AP1M1: variants seen among roughly 807,000 people sequenced by gnomAD.
AP1M1 encodes the protein AP-1 complex subunit mu-1.
Under a neutral mutation model 57.1 loss-of-function variants are expected in AP1M1, and 18 were observed. The ratio of observed to expected loss-of-function variants is 0.32; its 90% CI spans 0.22 to 0.47. AP1M1 has a LOEUF of 0.47. Ranked by LOEUF, AP1M1 falls within the 20% of genes least tolerant of loss-of-function variation. The probability of loss-of-function intolerance (pLI) is 1.00; values close to 1 mark genes in which losing one functional copy is unlikely to be tolerated. For synonymous variants in AP1M1, 241 were observed against 237.9 expected, an observed-to-expected ratio of 1.01 and a Z score of -0.12; for missense variants, 362 against 593.5, an observed-to-expected ratio of 0.61 and a Z score of 4.05.
intron 5 of AP1M1, among the ~76,000 whole-genome samples, chr19:16,216,574 G>A (rs1258964688): frequency 6.6e-6 from 1 of 152,176 alleles, no homozygotes; most frequent in Non-Finnish European, 1.5e-5. Flanking sequence ...TATTCCTTTA[G>A]TCTTTGAAGT....
chr19:16,244,523 A>G lies in AP1M1; in HGVS notation c.*10088A>G, dbSNP rs2091655875. On this transcript the variant is annotated 3_prime_UTR_variant, in exon 12 of 12. Coordinates refer to ENST00000291439, the MANE Select transcript of AP1M1 (RefSeq NM_032493.4). ...CAGGAAAAAAAGTCTGCAGGGAGTA[A>G]ACTGAGTTAAAATGTTCCAAGTTAA... is the stretch of plus-strand genomic sequence containing the variant. The G allele has an allele frequency of 6.6e-6, 1 of 152,202 alleles. No individual in the cohort carries two copies. Among genetic ancestry groups the G allele is most frequent in the Admixed American group, 6.5e-5 (1 of 15,274 alleles). The allele number at this position is 152,202 out of a possible 1,614,324, so 9.4% of individuals were successfully genotyped here.
At chr19:16,223,152 G>T (rs992245175) in intron 5 of AP1M1, among the ~76,000 whole-genome samples, 5 of 152,096 alleles carry the variant, frequency 3.3e-5, no homozygotes, top group Non-Finnish European at 1.5e-5. Context: ...TTACTTTCAG[G>T]CCACAAGTTC....
chr19:16,205,733 C>T (rs2091466777), intron 2 of AP1M1, among the ~76,000 whole-genome samples: 1 of 152,190 alleles, frequency 6.6e-6, no homozygotes, highest in African/African-American at 2.4e-5. Context: ...CAGGGGCTGG[C>T]TCCTGTGGCA....
At chr19:16,213,583 C>T (rs2091504793) in intron 5 of AP1M1, among the ~76,000 whole-genome samples, 1 of 151,944 alleles carries the variant, frequency 6.6e-6, no homozygotes, top group Admixed American at 6.6e-5. Flanking sequence ...CAACCTCTGT[C>T]CCCCAGGTTC....
In AP1M1 at chr19:16,197,975, T is replaced by TCGCTGCCGCCGCCACCGCCCTCAGC; in HGVS notation, c.-30_-29insAGCCGCTGCCGCCGCCACCGCCCTC. On this transcript the variant is annotated 5_prime_UTR_variant, in exon 1 of 12. Coordinates refer to ENST00000291439, the MANE Select transcript of AP1M1 (RefSeq NM_032493.4). ...GCTCAACGCCCAGCAGTCCCCACCG[T>TCGCTGCCGCCGCCACCGCCCTCAGC]CGCTGCCGCCGCCACCGCCCTCGGC... 2 of 1,451,820 alleles carry TCGCTGCCGCCGCCACCGCCCTCAGC rather than the reference T, an allele frequency of 1.4e-6. No homozygotes were observed. The highest frequency in any genetic ancestry group is 1.5e-5 in the African/African-American group (1 of 64,672). The allele number at this position is 1,451,820 out of a possible 1,614,324, so 89.9% of individuals were successfully genotyped here.
In AP1M1 at chr19:16,228,189, G is replaced by A; in HGVS notation, c.869G>A (p.Arg290His). The part of the protein sequence containing the change: ...ESVIEKHSHS[R>H]IEYMIKAKSQ... ...GTGATCGAGAAGCACTCCCACAGCCGCATCGAGTACATGATCAAGGTGCGT... is the reference window on the plus strand; with the variant it reads ...GTGATCGAGAAGCACTCCCACAGCCACATCGAGTACATGATCAAGGTGCGT... Residue 290 changes from arginine (R) to histidine (H), a missense_variant, in exon 8 of 12, where the codon CGC (arginine) becomes CAC (histidine). This residue lies in a region of AP1M1 where 337 missense variants were observed against 511.1 expected (regional missense o/e 0.66). Coordinates refer to ENST00000291439, the MANE Select transcript of AP1M1 (RefSeq NM_032493.4). The surrounding 1 kb of genome is among the most constrained non-coding windows in gnomAD (Gnocchi z 5.0). The A allele has an allele frequency of 1.2e-6, 2 of 1,613,710 alleles. No individual in the cohort carries two copies. The highest frequency in any genetic ancestry group is 1.7e-6 in the Non-Finnish European group (2 of 1,180,008).
At chr19:16,205,749 G>A (rs1214024206) in intron 2 of AP1M1, among the ~76,000 whole-genome samples, 1 of 152,174 alleles carries the variant, frequency 6.6e-6, no homozygotes, top group Non-Finnish European at 1.5e-5. Context: ...TGGCAGAAGG[G>A]AACATCTGTG....
In AP1M1 at chr19:16,243,627, A is replaced by C. The variant is rs1011723484; in HGVS notation, c.*9192A>C. ...TTCAATCACCATGTGTCAAAGAAGA[A>C]AATATAATGGAAGTTAGAAAATATT... On this transcript the variant is annotated 3_prime_UTR_variant, in exon 12 of 12. Transcript: ENST00000291439. 5.3e-5 allele frequency: 8 copies of C among 152,176 alleles called. No individual in the cohort carries two copies. Among genetic ancestry groups the C allele is most frequent in the Admixed American group, 1.3e-4 (2 of 15,250 alleles). The allele number at this position is 152,176 out of a possible 1,614,324, so 9.4% of individuals were successfully genotyped here. A position where few individuals can be genotyped will look rare whatever the true frequency, so the allele number is the denominator to read the frequency against.
Position 16,206,606 on chromosome 19 carries a change from C to T in AP1M1, c.267+198C>T, listed in dbSNP as rs901182841. On this transcript the variant is annotated intron_variant, in intron 3 of 11. Transcript: ENST00000291439. The surrounding 1 kb of genome is among the most constrained non-coding windows in gnomAD (Gnocchi z 4.3). Reference sequence around the variant, plus strand: ...TCTATAGCTCACGTTGCTCCCCTACCGTGGGGAAGAAAGGAAAGTGAACAG... The same window carrying T: ...TCTATAGCTCACGTTGCTCCCCTACTGTGGGGAAGAAAGGAAAGTGAACAG... 1.4e-5 allele frequency: 8 copies of T among 572,198 alleles called. No individual in the cohort carries two copies. The highest frequency in any genetic ancestry group is 2.8e-5 in the East Asian group (1 of 35,964). 35.4% of individuals were successfully genotyped at this position (572,198 alleles called of 1,614,324 possible).
At position 16,227,361 on chromosome 19, in the gene AP1M1, C is replaced by T. The variant is rs555479008; in HGVS notation, c.674-187C>T. Among the ~76,000 whole-genome samples the T allele has an allele frequency of 4.4e-4, 67 of 152,056 alleles. No individual in the cohort carries two copies. Among genetic ancestry groups the T allele is most frequent in the Non-Finnish European group, 9.0e-4 (61 of 67,908 alleles). On this transcript the variant is annotated intron_variant, in intron 6 of 11. Coordinates refer to ENST00000291439, the MANE Select transcript of AP1M1 (RefSeq NM_032493.4). The surrounding 1 kb of genome is among the most constrained non-coding windows in gnomAD (Gnocchi z 6.2). ...CCACCAGCCCTGCCCCTGGGGACCC[C>T]AGGGGTGTGAGGAGTGATGGGGCAG...
intron 5 of AP1M1, among the ~76,000 whole-genome samples, chr19:16,222,199 A>ATT (rs1568353073): frequency 7.7e-5 from 10 of 130,182 alleles, no homozygotes; most frequent in African/African-American, 2.3e-4. Context: ...TATTATTACT[A>ATT]TTATTATTAT....
intron 5 of AP1M1, among the ~76,000 whole-genome samples, chr19:16,215,227 GAGGGGA>G (rs1568351108): frequency 2.1e-5 from 1 of 48,778 alleles, no homozygotes; most frequent in Non-Finnish European, 5.7e-5. Context: ...GGGGAGGGGG[GAGGGGA>G]GGGGATCACC....
intron 5 of AP1M1, among the ~76,000 whole-genome samples, chr19:16,218,988 G>T (rs1599460540): frequency 6.6e-6 from 1 of 151,984 alleles, no homozygotes; most frequent in Non-Finnish European, 1.5e-5. Flanking sequence ...CACCAACTAG[G>T]ATGTTAGCTG....
chr19:16,225,252 C>G (rs1490546464), intron 5 of AP1M1, among the ~76,000 whole-genome samples: 2 of 152,272 alleles, frequency 1.3e-5, no homozygotes, highest in Non-Finnish European at 2.9e-5. Flanking sequence ...CACAGACTCT[C>G]CTGCCACTCT....
intron 5 of AP1M1, 55 bp downstream of exon 5, chr19:16,209,232 A>G: frequency 6.3e-7 from 1 of 1,589,446 alleles, no homozygotes; most frequent in Non-Finnish European, 8.6e-7. Flanking sequence ...CACGATAGAA[A>G]TAAACACAGC....
intron 2 of AP1M1, among the ~76,000 whole-genome samples, chr19:16,205,080 G>A (rs945425868): frequency 2.0e-5 from 3 of 152,064 alleles, no homozygotes; most frequent in East Asian, 1.9e-4. Flanking sequence ...TGATCCGCCC[G>A]CCTCAGCCTC....
chr19:16,240,096 A>G lies in AP1M1; in HGVS notation c.*5661A>G, dbSNP rs1417628993. ...GATTATGTAGCATCTACATTGTATT[A>G]GGTAATCTAGAGATGATTTAAAGAT... On this transcript the variant is annotated 3_prime_UTR_variant, in exon 12 of 12. Transcript: ENST00000291439. The G allele has an allele frequency of 6.6e-6, 1 of 152,194 alleles. No individual in the cohort carries two copies. Among genetic ancestry groups the G allele is most frequent in the African/African-American group, 2.4e-5 (1 of 41,446 alleles). 9.4% of individuals were successfully genotyped at this position (152,194 alleles called of 1,614,324 possible). A position where few individuals can be genotyped will look rare whatever the true frequency, so the allele number is the denominator to read the frequency against.
Position 16,234,509 on chromosome 19 carries a change from C to G in AP1M1, c.*74C>G. The G allele has an allele frequency of 3.8e-6, 6 of 1,589,574 alleles. No individual in the cohort carries two copies. Among genetic ancestry groups the G allele is most frequent in the Middle Eastern group, 1.7e-4 (1 of 5,992 alleles). On this transcript the variant is annotated 3_prime_UTR_variant, in exon 12 of 12. Coordinates refer to ENST00000291439, the MANE Select transcript of AP1M1 (RefSeq NM_032493.4). ...CCAGGGGACACACCTGCCAAACCCA[C>G]CAGATGGAGGGGCCCTCCCTGGTCT...
Position 16,242,426 on chromosome 19 carries a change from C to T in AP1M1, c.*7991C>T, listed in dbSNP as rs994370850. On this transcript the variant is annotated 3_prime_UTR_variant, in exon 12 of 12. Transcript: ENST00000291439. The stretch of plus-strand genomic sequence containing the variant: ...ACTGGGACTTTTGGGACACCCCTAG[C>T]ATCTCTGGCTGCAGAAAGCATAAAA... 13 of 152,180 alleles carry T rather than the reference C, an allele frequency of 8.5e-5. No homozygotes were observed. The highest frequency in any genetic ancestry group is 5.2e-4 in the Admixed American group (8 of 15,274). The allele number at this position is 152,180 out of a possible 1,614,324, so 9.4% of individuals were successfully genotyped here.
Sources: allele counts gnomAD v4.1 joint callset (sites outside exome capture counted in the v4.1 genomes callset), GRCh38; gene constraint gnomAD v4.1.1; regional missense constraint gnomAD v4.1.1; non-coding constraint Gnocchi (gnomAD v3.1); transcripts MANE v1.5; gene names NCBI Gene and HGNC (gene_info 2026-07-23, HGNC 2026-07-21).